IMMP2L: variants seen among roughly 807,000 people sequenced by gnomAD.
IMMP2L encodes mitochondrial inner membrane protease subunit 2.
A neutral mutation model predicts 19.3 loss-of-function variants in IMMP2L; 18 were observed. The observed-to-expected ratio is 0.93, with a 90% CI of 0.64 to 1.38. IMMP2L has a LOEUF of 1.38. IMMP2L is among the 40% of genes most tolerant of loss of function. The pLI, the probability that IMMP2L is intolerant of heterozygous loss-of-function variation, is 0.00. For synonymous variants in IMMP2L, 76 were observed against 73.0 expected (o/e 1.04, Z -0.21); for missense variants, 233 against 218.2 (o/e 1.07, Z -0.43).
chr7:110,846,529 C>T (rs1805693891), intron 5 of IMMP2L, among the ~76,000 whole-genome samples: 1 of 151,840 alleles, frequency 6.6e-6, no homozygotes, highest in African/African-American at 2.4e-5. Context: ...CCACGCCTGG[C>T]TAATTTTTGT....
chr7:110,673,456 C>T (rs1461285437), intron 5 of IMMP2L, among the ~76,000 whole-genome samples: 1 of 152,236 alleles, frequency 6.6e-6, no homozygotes, highest in Non-Finnish European at 1.5e-5. Context: ...TAACACTGGG[C>T]TCCTCATTAC....
intron 1 of IMMP2L, among the ~76,000 whole-genome samples, chr7:111,550,854 G>A (rs909634767): frequency 1.2e-4 from 19 of 152,132 alleles, no homozygotes; most frequent in African/African-American, 3.9e-4. Flanking sequence ...GACAGGGAAG[G>A]AGTCAGGTAC....
chr7:110,905,817 A>T (rs1208521077), intron 4 of IMMP2L, among the ~76,000 whole-genome samples: 1 of 152,204 alleles, frequency 6.6e-6, no homozygotes. Flanking sequence ...AAAGGCATGG[A>T]ATTTATCATA....
At chr7:111,350,350 C>CAT (rs35448482) in intron 3 of IMMP2L, among the ~76,000 whole-genome samples, 5,698 of 147,124 alleles carry the variant, frequency 0.039, 176 homozygotes, top group African/African-American at 0.087. Flanking sequence ...TGCATATATA[C>CAT]ATATATATAT....
chr7:110,816,312 TG>T (rs1802511141), intron 5 of IMMP2L, among the ~76,000 whole-genome samples: 1 of 152,144 alleles, frequency 6.6e-6, no homozygotes, highest in African/African-American at 2.4e-5. Context: ...CTAGTTTGAT[TG>T]CACTGTGGTC....
At chr7:111,434,729 T>C (rs1218195633) in intron 3 of IMMP2L, among the ~76,000 whole-genome samples, 1 of 151,636 alleles carries the variant, frequency 6.6e-6, no homozygotes, top group African/African-American at 2.4e-5. Context: ...AATTTTTGTA[T>C]TTTTAGTAGA....
intron 3 of IMMP2L, among the ~76,000 whole-genome samples, chr7:111,225,322 A>G (rs1224095887): frequency 2.0e-5 from 3 of 152,122 alleles, no homozygotes; most frequent in Non-Finnish European, 4.4e-5. Context: ...GAGCTTACTA[A>G]TATCATGACT....
intron 5 of IMMP2L, among the ~76,000 whole-genome samples, chr7:110,694,443 AG>A (rs2130573087): frequency 6.6e-6 from 1 of 152,336 alleles, no homozygotes; most frequent in Non-Finnish European, 1.5e-5. Context: ...AATAGAGTCC[AG>A]TAAGTCTCAG....
intron 1 of IMMP2L, among the ~76,000 whole-genome samples, chr7:111,539,198 GAA>G (rs1284823036): frequency 4.6e-5 from 2 of 43,332 alleles, no homozygotes; most frequent in South Asian, 8.6e-4. Context: ...GAAGGAGGGA[GAA>G]AGAAAGAAAG....
chr7:111,149,715 A>C (rs1803867868), intron 3 of IMMP2L, among the ~76,000 whole-genome samples: 1 of 152,198 alleles, frequency 6.6e-6, no homozygotes, highest in Admixed American at 6.5e-5. Flanking sequence ...CACACTGTTC[A>C]AGTATCAACT....
chr7:111,231,186 A>T (rs1435895174), intron 3 of IMMP2L, among the ~76,000 whole-genome samples: 1 of 151,994 alleles, frequency 6.6e-6, no homozygotes, highest in Non-Finnish European at 1.5e-5. Context: ...TGAAACATGG[A>T]TCTGTCTCCA....
intron 1 of IMMP2L, among the ~76,000 whole-genome samples, chr7:111,536,220 A>G (rs963357964): frequency 6.6e-5 from 10 of 152,184 alleles, no homozygotes; most frequent in Non-Finnish European, 1.0e-4. Flanking sequence ...AGGTAATTTC[A>G]TTTTATTTAA....
At chr7:111,101,307 C>T (rs746972586) in intron 3 of IMMP2L, among the ~76,000 whole-genome samples, 1 of 151,312 alleles carries the variant, frequency 6.6e-6, no homozygotes, top group Non-Finnish European at 1.5e-5. Flanking sequence ...TGAACAGAAC[C>T]TTGGCATACT....
rs191406455 is a variant in IMMP2L, at chr7:111,372,444, T to C, written c.239+114794A>G. ...TCAGTGGGCACATGATAAATATTCC[T>C]TCACCCTCCACCTGCCACCCACCAG... On this transcript the variant is annotated intron_variant, in intron 3 of 5. Transcript: ENST00000405709. Among the ~76,000 whole-genome samples the C allele has an allele frequency of 3.9e-5, 6 of 152,062 alleles. No individual in the cohort carries two copies. In the East Asian group the frequency reaches 1.2e-3, roughly 29 times the overall value.
intron 3 of IMMP2L, among the ~76,000 whole-genome samples, chr7:111,439,997 CCTCATCCGTTCAAGATTTATCA>C (rs1238103033): frequency 6.6e-6 from 1 of 151,906 alleles, no homozygotes; most frequent in African/African-American, 2.4e-5. Flanking sequence ...AGAAGCACCT[CCTCATCCGTTCAAGATTTATCA>C]CAAGATTGTA....
At chr7:110,846,570 T>C (rs1286379403) in intron 5 of IMMP2L, among the ~76,000 whole-genome samples, 2 of 151,976 alleles carry the variant, frequency 1.3e-5, no homozygotes, top group African/African-American at 4.8e-5. Context: ...TTTACCTTGT[T>C]GGTCAGGCTG....
At chr7:110,854,921 G>C (rs1451979978) in intron 5 of IMMP2L, among the ~76,000 whole-genome samples, 2 of 151,898 alleles carry the variant, frequency 1.3e-5, no homozygotes, top group Non-Finnish European at 1.5e-5. Context: ...GTTGAATAAA[G>C]AGAAATGAAA....
chr7:110,790,574 T>C (rs953972842), intron 5 of IMMP2L, among the ~76,000 whole-genome samples: 1 of 151,722 alleles, frequency 6.6e-6, no homozygotes, highest in African/African-American at 2.4e-5. Flanking sequence ...AACGTAGAGC[T>C]GAACAGACAT....
intron 5 of IMMP2L, among the ~76,000 whole-genome samples, chr7:110,788,192 C>T (rs1472746721): frequency 8.6e-5 from 13 of 151,958 alleles, no homozygotes; most frequent in Admixed American, 7.2e-4. Flanking sequence ...CCAAACTCTT[C>T]GAAATAGATG....
Sources: allele counts gnomAD v4.1 joint callset (sites outside exome capture counted in the v4.1 genomes callset), GRCh38; gene constraint gnomAD v4.1.1; transcripts MANE v1.5; gene names NCBI Gene and HGNC (gene_info 2026-07-23, HGNC 2026-07-21).